Variants in AFF3 observed in about 807,000 individuals in gnomAD.
AFF3 encodes AF4/FMR2 family member 3.
Under a neutral mutation model 129.7 loss-of-function variants are expected in AFF3, and 32 were observed. The ratio of observed to expected loss-of-function variants is 0.25; its 90% confidence interval spans 0.19 to 0.33. The LOEUF is 0.33. Among genes scored for constraint, AFF3 ranks in the 10% least tolerant of loss-of-function variants. The pLI is 1.00. For synonymous variants in AFF3, 644 were observed against 635.4 expected (o/e 1.01, Z -0.20); for missense variants, 1,373 against 1,592.0 (o/e 0.86, Z 2.34).
intron 8 of AFF3, among the ~76,000 whole-genome samples, chr2:99,784,095 TC>T (rs1684606065): frequency 6.6e-6 from 1 of 152,210 alleles, no homozygotes; most frequent in African/African-American, 2.4e-5. Context: ...CAGTCTGCAT[TC>T]CCCTTGCCAG....
Position 99,579,444 on chromosome 2 carries a change from G to C in AFF3, c.2794-993C>G, listed in dbSNP as rs952642970. 9.3e-5 allele frequency among the ~76,000 whole-genome samples: 14 copies of C among 150,772 alleles called. No individual in the cohort carries two copies. In the Admixed American group the frequency reaches 9.3e-4, roughly 10 times the overall value. The stretch of plus-strand genomic sequence containing the variant: ...AATAAATAAATAAATTCTAGGCCAG[G>C]CATGGTGGCTCACACCTGTAATCCC... On this transcript the variant is annotated intron_variant, in intron 17 of 24. Coordinates refer to ENST00000672756, the MANE Select transcript of AFF3 (RefSeq NM_001386135.1).
At chr2:100,014,885 G>C (rs1192670408) in intron 4 of AFF3, among the ~76,000 whole-genome samples, 1 of 147,846 alleles carries the variant, frequency 6.8e-6, no homozygotes, top group Non-Finnish European at 1.5e-5. Context: ...CCAGGTTCAA[G>C]TGATTCTTTT....
chr2:99,947,084 T>C (rs576738475), intron 7 of AFF3, among the ~76,000 whole-genome samples: 1 of 152,274 alleles, frequency 6.6e-6, no homozygotes, highest in South Asian at 2.1e-4. Flanking sequence ...CTGTATTAAG[T>C]GCTATAACTG....
rs775852704 is a variant in AFF3, at chr2:99,593,244, G to C, written c.2417C>G (p.Ser806Trp). The change falls in exon 15 of 25, where the codon TCG becomes TGG. Residue 806 changes from serine to tryptophan, a missense_variant. By Grantham distance (177) the Ser-to-Trp change is radical. Transcript: ENST00000672756. ...DSESAPPSHT[S>W]DTPAEKALPK... is the part of the protein sequence containing the mutation. ...CAAAGCCTTTTCTGCAGGTGTGTCC[G>C]AGGTGTGGCTGGGCGGTGCGCTCTC... 2 of 1,609,970 alleles carry C rather than the reference G, an allele frequency of 1.2e-6. No homozygotes were observed. Among genetic ancestry groups the C allele is most frequent in the Non-Finnish European group, 8.5e-7 (1 of 1,177,124 alleles).
chr2:100,016,989 T>A (rs1683180952), intron 4 of AFF3, among the ~76,000 whole-genome samples: 1 of 151,354 alleles, frequency 6.6e-6, no homozygotes, highest in African/African-American at 2.4e-5. Context: ...GTAATGGTAA[T>A]GATGGTGGTG....
At chr2:99,918,451 C>T (rs1695630764) in intron 7 of AFF3, among the ~76,000 whole-genome samples, 1 of 152,166 alleles carries the variant, frequency 6.6e-6, no homozygotes. Context: ...CTCCAGAAGG[C>T]AGAGTAACAG....
chr2:99,742,698 T>C lies in AFF3; in HGVS notation c.1039+1406A>G, dbSNP rs769427648. Among the ~76,000 whole-genome samples the C allele has an allele frequency of 9.2e-5, 14 of 152,338 alleles. 1 individual carries two copies. The Middle Eastern group carries it at 0.014, about 148-fold the overall frequency. On this transcript the variant is annotated intron_variant, in intron 10 of 24. Coordinates refer to ENST00000672756, the MANE Select transcript of AFF3 (RefSeq NM_001386135.1). ...ATTCAAATTCTAGCTGTCATTTTTTTAGCCAGGTGATTAAAAAATGACTCG... is the reference window on the plus strand; with the variant it reads ...ATTCAAATTCTAGCTGTCATTTTTTCAGCCAGGTGATTAAAAAATGACTCG...
At chr2:99,557,279 CTTTT>C (rs201716560) in intron 22 of AFF3, among the ~76,000 whole-genome samples, 2 of 133,664 alleles carry the variant, frequency 1.5e-5, no homozygotes, top group East Asian at 2.1e-4. Flanking sequence ...TTGTGTTTTC[CTTTT>C]TTTTTTTTTT....
At chr2:99,878,277 T>G (rs568367604) in intron 7 of AFF3, among the ~76,000 whole-genome samples, 1 of 152,282 alleles carries the variant, frequency 6.6e-6, no homozygotes, top group South Asian at 2.1e-4. Context: ...TGGTTGAATG[T>G]TAAGTGGCTA....
chr2:100,140,084 C>T (rs984874660), intron 1 of AFF3, among the ~76,000 whole-genome samples: 1 of 152,188 alleles, frequency 6.6e-6, no homozygotes, highest in African/African-American at 2.4e-5. Flanking sequence ...TGGATTTCAA[C>T]ACGTTTTCCT....
chr2:99,595,750 T>C (rs1679224192), intron 14 of AFF3, among the ~76,000 whole-genome samples: 1 of 152,130 alleles, frequency 6.6e-6, no homozygotes, highest in Non-Finnish European at 1.5e-5. Flanking sequence ...AGCAGGGGCC[T>C]TGGCTGAGTC....
At chr2:99,570,904 C>T (rs1441831689) in intron 18 of AFF3, among the ~76,000 whole-genome samples, 1 of 152,228 alleles carries the variant, frequency 6.6e-6, no homozygotes, top group Non-Finnish European at 1.5e-5. Flanking sequence ...CTCAATTTCC[C>T]CCGCCGTAAG....
At chr2:100,017,777 C>G (rs1279923265) in intron 4 of AFF3, among the ~76,000 whole-genome samples, 1 of 152,168 alleles carries the variant, frequency 6.6e-6, no homozygotes, top group East Asian at 1.9e-4. Flanking sequence ...CTAACTTGTC[C>G]AAGTCCCATA....
chr2:100,099,521 TCA>T (rs1690557214), intron 4 of AFF3, among the ~76,000 whole-genome samples: 1 of 151,942 alleles, frequency 6.6e-6, no homozygotes, highest in South Asian at 2.1e-4. Flanking sequence ...ATGTTTCTAT[TCA>T]CAGTCTTCCC....
At chr2:99,707,408 T>C in intron 11 of AFF3, 1 of 985,252 alleles carries the variant, frequency 1.0e-6, no homozygotes, top group Non-Finnish European at 1.2e-6. Context: ...TAAACAGAGG[T>C]AAATTCCTCT....
At chr2:99,965,169 T>C (rs1677618623) in intron 7 of AFF3, among the ~76,000 whole-genome samples, 1 of 152,158 alleles carries the variant, frequency 6.6e-6, no homozygotes, top group South Asian at 2.1e-4. Flanking sequence ...ATCACTATGA[T>C]CACTATGATT....
At chr2:99,776,582 A>C (rs1683921455) in intron 8 of AFF3, among the ~76,000 whole-genome samples, 1 of 152,246 alleles carries the variant, frequency 6.6e-6, no homozygotes, top group South Asian at 2.1e-4. Flanking sequence ...TCGAGGATGA[A>C]TCCTGCACCT....
chr2:100,025,209 C>T (rs1045049742), intron 4 of AFF3, among the ~76,000 whole-genome samples: 1 of 151,900 alleles, frequency 6.6e-6, no homozygotes, highest in African/African-American at 2.4e-5. Flanking sequence ...CCTCACTCCC[C>T]AAAAATGAAC....
intron 13 of AFF3, among the ~76,000 whole-genome samples, chr2:99,648,418 T>C (rs1429564746): frequency 6.6e-6 from 1 of 152,216 alleles, no homozygotes; most frequent in African/African-American, 2.4e-5. Context: ...ACATGTGTTT[T>C]GATCTAGACT....
Sources: allele counts gnomAD v4.1 joint callset (sites outside exome capture counted in the v4.1 genomes callset), GRCh38; gene constraint gnomAD v4.1.1; transcripts MANE v1.5; gene names NCBI Gene and HGNC (gene_info 2026-07-23, HGNC 2026-07-21).